NUP98: variants seen among roughly 807,000 people sequenced by gnomAD.
NUP98 encodes nucleoporin 98 and 96 precursor, also known as nuclear pore complex protein Nup98-Nup96.
A neutral mutation model predicts 191.9 loss-of-function variants in NUP98; 26 were observed. The observed-to-expected ratio is 0.14, with a 90% CI of 0.10 to 0.19. The LOEUF is 0.19. Among genes scored for constraint, NUP98 ranks in the 10% least tolerant of loss-of-function variants. The pLI is 1.00. For synonymous variants in NUP98, 808 were observed against 778.4 expected, an observed-to-expected ratio of 1.04 and a Z score of -0.63; for missense variants, 1,941 against 2,178.8, an observed-to-expected ratio of 0.89 and a Z score of 2.17.
At chr11:3,732,093 A>G (rs2079872955) in intron 13 of NUP98, among the ~76,000 whole-genome samples, 1 of 152,186 alleles carries the variant, frequency 6.6e-6, no homozygotes, top group African/African-American at 2.4e-5. Flanking sequence ...AAGATAATGA[A>G]TCTGTTAGCT....
intron 20 of NUP98, among the ~76,000 whole-genome samples, chr11:3,707,738 C>CAAAAAATAAAAAAAAAAAAA (rs2078902066): frequency 2.1e-5 from 1 of 48,568 alleles, no homozygotes; most frequent in African/African-American, 1.1e-4. Context: ...GACTCTGTCT[C>CAAAAAATAAAAAAAAAAAAA]AAAAAAAAAA....
Position 3,693,239 on chromosome 11 carries a change from G to A in NUP98, c.4304C>T (p.Ala1435Val). ...ISRALSMYEE[A>V]FQNTSDSDRY... ...TCTATTGGCCACATATACCTGAAAT[G>A]CTTCTTCATACATGCTGAGCGCCCT... Residue 1435 changes from alanine to valine, a missense_variant, in exon 27 of 33, where the codon GCA becomes GTA. This residue lies in a region of NUP98 where 1,030 missense variants were observed against 1,115.8 expected (regional missense o/e 0.92). Coordinates refer to ENST00000324932, the MANE Select transcript of NUP98 (RefSeq NM_016320.5). The A allele has an allele frequency of 6.2e-7, 1 of 1,614,052 alleles. No individual in the cohort carries two copies. The highest frequency in any genetic ancestry group is 8.5e-7 in the Non-Finnish European group (1 of 1,179,942).
chr11:3,737,829 T>A (rs2080127623), intron 12 of NUP98, among the ~76,000 whole-genome samples: 1 of 152,016 alleles, frequency 6.6e-6, no homozygotes, highest in Non-Finnish European at 1.5e-5. Context: ...GTAAATCATC[T>A]GTATTCAGAA....
intron 26 of NUP98, 127 bp downstream of exon 26, chr11:3,695,322 G>C: frequency 5.0e-6 from 4 of 803,028 alleles, no homozygotes; most frequent in Non-Finnish European, 7.2e-6. Flanking sequence ...TTTGAAAATT[G>C]TCCAATGTGT....
rs1181789602 is a variant in NUP98, at chr11:3,757,314, C to T, written c.1174+3225G>A. On this transcript the variant is annotated intron_variant, in intron 10 of 32. Coordinates refer to ENST00000324932, the MANE Select transcript of NUP98 (RefSeq NM_016320.5). ...GGCCAGCCTGGGTGACATGGCAAACCCTGTCTCTACAAAAACACAAAAATT... is the reference window on the plus strand; with the variant it reads ...GGCCAGCCTGGGTGACATGGCAAACTCTGTCTCTACAAAAACACAAAAATT... Among the ~76,000 whole-genome samples, 5 of 151,124 alleles carry T rather than the reference C, an allele frequency of 3.3e-5. No homozygotes were observed. The East Asian group carries it at 9.8e-4, about 30-fold the overall frequency.
chr11:3,742,057 C>T (rs1004727061), intron 12 of NUP98, among the ~76,000 whole-genome samples: 4 of 152,164 alleles, frequency 2.6e-5, no homozygotes, highest in Admixed American at 6.5e-5. Flanking sequence ...GCAGACTTGA[C>T]GAGAATATCT....
At chr11:3,790,072 G>A (rs951580666) in intron 1 of NUP98, among the ~76,000 whole-genome samples, 2 of 152,002 alleles carry the variant, frequency 1.3e-5, no homozygotes, top group East Asian at 1.9e-4. Flanking sequence ...CGTGAGCCAC[G>A]GCACACAGCC....
At chr11:3,760,699 A>G (rs2081134109) in intron 9 of NUP98, 73 bp from the exon 10 acceptor site, 3 of 1,288,024 alleles carry the variant, frequency 2.3e-6, no homozygotes, top group Non-Finnish European at 1.1e-6. Flanking sequence ...AGGTTACCTC[A>G]GGTATACTGG....
intron 16 of NUP98, among the ~76,000 whole-genome samples, chr11:3,722,041 A>AT (rs1471746050): frequency 6.6e-6 from 1 of 151,948 alleles, no homozygotes; most frequent in East Asian, 1.9e-4. Context: ...TTAAAAAGAT[A>AT]TATAGTAGCA....
At chr11:3,749,756 T>C (rs1200526467) in intron 11 of NUP98, among the ~76,000 whole-genome samples, 2 of 151,436 alleles carry the variant, frequency 1.3e-5, no homozygotes, top group East Asian at 1.9e-4. Flanking sequence ...AAAACAAAGA[T>C]ATTCACCTTT....
intron 15 of NUP98, 97 bp from the exon 16 acceptor site, chr11:3,723,552 G>A: frequency 1.1e-6 from 1 of 900,550 alleles, no homozygotes; most frequent in Non-Finnish European, 1.7e-6. Context: ...GCCTGGCACT[G>A]TTCTGGATAG....
At chr11:3,698,411 T>C (rs2078576923) in intron 25 of NUP98, among the ~76,000 whole-genome samples, 1 of 152,054 alleles carries the variant, frequency 6.6e-6, no homozygotes, top group South Asian at 2.1e-4. Flanking sequence ...AAACAATGTT[T>C]AAGGTCCTAA....
chr11:3,725,299 G>A, intron 14 of NUP98, 80 bp from the exon 15 acceptor site: 1 of 679,698 alleles, frequency 1.5e-6, no homozygotes, highest in Non-Finnish European at 2.6e-6. Context: ...TTAAAAACTG[G>A]AGTCCAATGG....
At position 3,702,605 on chromosome 11, in the gene NUP98, G is replaced by A. The variant is rs140768762; in HGVS notation, c.3370C>T (p.Arg1124Cys). Reference sequence around the variant, plus strand: ...GGGCCCCAACCAACACGAAATGAGCGTCCCATGAATAGGGCCATGTCCATC... The same window carrying A: ...GGGCCCCAACCAACACGAAATGAGCATCCCATGAATAGGGCCATGTCCATC... ...LLMDMALFMGRSFRVGWGPNW... is the reference protein window; with the variant it reads ...LLMDMALFMGCSFRVGWGPNW... The change falls in exon 23 of 33, where the codon CGC (arginine) becomes TGC (cysteine). Residue 1124 changes from arginine (R) to cysteine (C), a missense_variant. Transcript: ENST00000324932. 1.3e-5 allele frequency: 21 copies of A among 1,613,858 alleles called. No homozygotes were observed. The highest frequency in any genetic ancestry group is 5.3e-5 in the African/African-American group (4 of 74,844).
At chr11:3,729,356 C>T (rs2079742765) in intron 14 of NUP98, among the ~76,000 whole-genome samples, 1 of 151,484 alleles carries the variant, frequency 6.6e-6, no homozygotes. Flanking sequence ...TCCTGGAAGA[C>T]AATTATGAAA....
At chr11:3,744,427 G>T in intron 12 of NUP98, 82 bp downstream of exon 12, 1 of 1,375,482 alleles carries the variant, frequency 7.3e-7, no homozygotes, top group Non-Finnish European at 9.9e-7. Context: ...TGGTAGGAAT[G>T]GGACAGGTGT....
chr11:3,711,782 A>C (rs1173321088), intron 20 of NUP98: 26 of 748,608 alleles, frequency 3.5e-5, no homozygotes, highest in South Asian at 6.3e-5. Flanking sequence ...CATTTATCAT[A>C]CCCTCCCCTC....
chr11:3,680,926 T>C (rs1033637844), intron 30 of NUP98, among the ~76,000 whole-genome samples: 2 of 152,132 alleles, frequency 1.3e-5, no homozygotes, highest in Non-Finnish European at 2.9e-5. Context: ...AGTGGTGTGA[T>C]CATGGCTCAC....
chr11:3,788,535 G>A (rs2082220469), intron 1 of NUP98, among the ~76,000 whole-genome samples: 1 of 152,086 alleles, frequency 6.6e-6, no homozygotes, highest in Non-Finnish European at 1.5e-5. Context: ...AGGTTGCTGT[G>A]AGCCCAGATT....
Sources: gnomAD v4.1 joint callset for allele counts (sites outside exome capture counted in the v4.1 genomes callset) on GRCh38, gnomAD v4.1.1 for gene constraint, gnomAD v4.1.1 regional missense constraint, MANE v1.5 for transcripts, NCBI Gene and HGNC (gene_info 2026-07-23, HGNC 2026-07-21) for gene names.